Variants in ULK4 observed in about 807,000 individuals in gnomAD.
The protein encoded by ULK4 is unc-51 like kinase 4.
A neutral mutation model predicts 160.6 loss-of-function variants in ULK4; 133 were observed. That is an observed-to-expected ratio of 0.83 (90% CI 0.72 to 0.96). The LOEUF is 0.96. Ranked by LOEUF, ULK4 falls within the 40% of genes least tolerant of loss-of-function variation. The pLI is 0.00. For synonymous variants in ULK4, 534 were observed against 539.8 expected, an observed-to-expected ratio of 0.99 and a Z score of 0.15; for missense variants, 1,580 against 1,499.5, an observed-to-expected ratio of 1.05 and a Z score of -0.89.
intron 35 of ULK4, among the ~76,000 whole-genome samples, chr3:41,334,634 G>C (rs9862900): frequency 0.13 from 19,802 of 152,124 alleles, 1,581 homozygotes; most frequent in African/African-American, 0.22. Context: ...TCCACTTCCA[G>C]GGCTCTCCAA....
At chr3:41,279,992 A>C (rs7642883) in intron 35 of ULK4, among the ~76,000 whole-genome samples, 6,017 of 152,222 alleles carry the variant, frequency 0.04, 288 homozygotes, top group East Asian at 0.18. Flanking sequence ...CAAAACTAAA[A>C]AACAGGGGTT....
chr3:41,624,702 A>AT lies in ULK4; in HGVS notation c.3072-8986dup, dbSNP rs557012975. On this transcript the variant is annotated intron_variant, in intron 30 of 36. Transcript: ENST00000301831. ...ATAAAAAGAGAATTCAAGCTAAGTA[A>AT]TTTTTTTTAGTGGTAAGCCTAATAA... is the stretch of plus-strand genomic sequence containing the variant. Among the ~76,000 whole-genome samples, 413 of 152,068 alleles carry AT rather than the reference A, an allele frequency of 2.7e-3. 3 individuals are homozygous for AT. The highest frequency in any genetic ancestry group is 0.014 in the Middle Eastern group (4 of 294).
chr3:41,769,238 G>A (rs2039271054), intron 21 of ULK4, among the ~76,000 whole-genome samples: 1 of 152,142 alleles, frequency 6.6e-6, no homozygotes, highest in African/African-American at 2.4e-5. Context: ...AAAACTGAAT[G>A]AACAGTAATG....
chr3:41,520,864 AG>A (rs2085908487), intron 32 of ULK4, among the ~76,000 whole-genome samples: 1 of 152,176 alleles, frequency 6.6e-6, no homozygotes, highest in Non-Finnish European at 1.5e-5. Context: ...CTGTCTTTGG[AG>A]AAATGTCTAT....
In ULK4 at chr3:41,935,209, A is replaced by ATTTTTTTTTTTTTTTTTTTTTTTTTTTT. The variant is rs10524611; in HGVS notation, c.378+564_378+591dup. 2.2e-5 allele frequency among the ~76,000 whole-genome samples: 3 copies of ATTTTTTTTTTTTTTTTTTTTTTTTTTTT among 135,556 alleles called. 1 individual carries two copies. Among genetic ancestry groups the ATTTTTTTTTTTTTTTTTTTTTTTTTTTT allele is most frequent in the Admixed American group, 7.1e-5 (1 of 14,094 alleles). 88.9% of individuals were successfully genotyped at this position (135,556 alleles called of 152,430 possible). A position where few individuals can be genotyped will look rare whatever the true frequency, so the allele number is the denominator to read the frequency against. ...TTTTTGTGTTTTTATTTATTTATTT[A>ATTTTTTTTTTTTTTTTTTTTTTTTTTTT]TTTTTTTTTTTTTTTTTTTTTTTTT... On this transcript the variant is annotated intron_variant, in intron 4 of 36. Transcript: ENST00000301831.
At chr3:41,568,173 G>GTACAAGGTAAGCCC (rs2087850441) in intron 31 of ULK4, among the ~76,000 whole-genome samples, 2 of 152,160 alleles carry the variant, frequency 1.3e-5, no homozygotes, top group Non-Finnish European at 2.9e-5. Context: ...TGCCCTTATG[G>GTACAAGGTAAGCCC]TGTTTACCTT....
chr3:41,911,716 A>G, intron 9 of ULK4, 57 bp from the exon 10 acceptor site: 2 of 1,297,198 alleles, frequency 1.5e-6, no homozygotes, highest in Non-Finnish European at 2.2e-6. Context: ...CTATAGTTTT[A>G]TGTTAGAGAA....
chr3:41,706,320 C>A (rs140449870), intron 25 of ULK4, among the ~76,000 whole-genome samples: 2 of 147,570 alleles, frequency 1.4e-5, no homozygotes, highest in East Asian at 2.0e-4. Context: ...AACGCTGCAA[C>A]GGAGTTCTTG....
intron 32 of ULK4, among the ~76,000 whole-genome samples, chr3:41,512,084 C>A (rs953208901): frequency 6.6e-6 from 1 of 152,094 alleles, no homozygotes; most frequent in African/African-American, 2.4e-5. Flanking sequence ...CAGCACACTT[C>A]ATGATTAAAA....
At chr3:41,703,043 G>A (rs113225170) in intron 27 of ULK4, among the ~76,000 whole-genome samples, 16,524 of 151,558 alleles carry the variant, frequency 0.11, 2,674 homozygotes, top group African/African-American at 0.36. Flanking sequence ...CAGTAGAGAC[G>A]GGGTTTCACC....
At chr3:41,648,149 C>T (rs564491652) in intron 30 of ULK4, among the ~76,000 whole-genome samples, 5 of 152,300 alleles carry the variant, frequency 3.3e-5, no homozygotes, top group East Asian at 3.9e-4. Flanking sequence ...TTGCGCTTCC[C>T]GAGTGAGGCA....
chr3:41,396,531 ATAAAG>A (rs1418062346), intron 35 of ULK4, among the ~76,000 whole-genome samples: 1 of 152,064 alleles, frequency 6.6e-6, no homozygotes, highest in Non-Finnish European at 1.5e-5. Context: ...TTTTCTTTAC[ATAAAG>A]TAATTTTTTA....
intron 32 of ULK4, among the ~76,000 whole-genome samples, chr3:41,484,249 C>T (rs907560623): frequency 6.6e-6 from 1 of 151,966 alleles, no homozygotes; most frequent in African/African-American, 2.4e-5. Context: ...CTATCAAATA[C>T]ATTTATCAAA....
chr3:41,713,968 C>T (rs1180521741), intron 25 of ULK4, among the ~76,000 whole-genome samples: 1 of 151,944 alleles, frequency 6.6e-6, no homozygotes, highest in Non-Finnish European at 1.5e-5. Context: ...ATACCTATCC[C>T]AAACAAACAC....
intron 30 of ULK4, among the ~76,000 whole-genome samples, chr3:41,635,591 A>G (rs1193229255): frequency 2.0e-5 from 3 of 152,142 alleles, no homozygotes; most frequent in African/African-American, 4.8e-5. Context: ...GATCAACCCA[A>G]TCTCTAAAAT....
At chr3:41,593,717 A>C (rs559447166) in intron 31 of ULK4, among the ~76,000 whole-genome samples, 1 of 152,294 alleles carries the variant, frequency 6.6e-6, no homozygotes, top group South Asian at 2.1e-4. Flanking sequence ...GATGATCTAA[A>C]TGTACCACTC....
chr3:41,597,545 C>T (rs149880585), intron 31 of ULK4, among the ~76,000 whole-genome samples: 24 of 152,300 alleles, frequency 1.6e-4, no homozygotes, highest in Non-Finnish European at 3.2e-4. Context: ...CCTGGTGAAA[C>T]AAACAGTGAG....
chr3:41,416,429 T>G (rs1430839031), intron 34 of ULK4, among the ~76,000 whole-genome samples: 3 of 152,328 alleles, frequency 2.0e-5, no homozygotes, highest in Middle Eastern at 3.4e-3. Flanking sequence ...CCTCCCAATT[T>G]CTTCATGCCT....
intron 23 of ULK4, among the ~76,000 whole-genome samples, chr3:41,716,455 G>A (rs1053747832): frequency 6.6e-6 from 1 of 152,072 alleles, no homozygotes; most frequent in South Asian, 2.1e-4. Flanking sequence ...GCTACCAACT[G>A]ACCAAATTAT....
Sources: gnomAD v4.1 joint callset for allele counts (sites outside exome capture counted in the v4.1 genomes callset) on GRCh38, gnomAD v4.1.1 for gene constraint, MANE v1.5 for transcripts, NCBI Gene and HGNC (gene_info 2026-07-23, HGNC 2026-07-21) for gene names.